XKR4: variants seen among roughly 807,000 people sequenced by gnomAD.
The protein encoded by XKR4 is XK related 4.
XKR4 carries 12 observed loss-of-function variants against 53.9 expected under a neutral mutation model. The observed-to-expected ratio is 0.22, with a 90% CI of 0.14 to 0.36. XKR4 has a LOEUF of 0.36. Among genes scored for constraint, XKR4 ranks in the 10% least tolerant of loss-of-function variants. XKR4 has a pLI of 1.00. For missense variants in XKR4, 799 were observed against 859.5 expected (o/e 0.93, Z 0.88); for synonymous variants, 354 against 362.4 (o/e 0.98, Z 0.26).
chr8:55,275,821 G>A (rs749992399), intron 1 of XKR4, among the ~76,000 whole-genome samples: 7 of 152,088 alleles, frequency 4.6e-5, no homozygotes, highest in Non-Finnish European at 1.0e-4. Flanking sequence ...TTGATCCTAA[G>A]TATAAGGCTT....
At chr8:55,458,283 C>T (rs1316567819) in intron 2 of XKR4, among the ~76,000 whole-genome samples, 1 of 152,178 alleles carries the variant, frequency 6.6e-6, no homozygotes, top group East Asian at 1.9e-4. Context: ...TTTACTCAGC[C>T]CACAGGTCTC....
At chr8:55,266,877 A>G (rs148914017) in intron 1 of XKR4, among the ~76,000 whole-genome samples, 2 of 152,312 alleles carry the variant, frequency 1.3e-5, no homozygotes, top group East Asian at 3.9e-4. Flanking sequence ...TTAGCATCGC[A>G]TGCCTGTGGG....
chr8:55,445,031 C>T (rs28759352), intron 2 of XKR4, among the ~76,000 whole-genome samples: 2,122 of 152,034 alleles, frequency 0.014, 50 homozygotes, highest in South Asian at 0.097. Context: ...GCTATATTGA[C>T]ATGTATGAAT....
rs1805452370 is a variant in XKR4 at position 55,451,810 on chromosome 8, C to T, written c.1007-71471C>T. On this transcript the variant is annotated intron_variant, in intron 2 of 2. Transcript: ENST00000327381. ...GCACTGATAGTCGCGGCAGCAAGCC[C>T]TTTCCACCAGGAGGCTGCTCATGGT... is the stretch of plus-strand genomic sequence containing the variant. The T allele has an allele frequency of 5.0e-6, 5 of 993,334 alleles. No individual in the cohort carries two copies. In the African/African-American group the frequency reaches 6.3e-5, roughly 13 times the overall value. 61.5% of individuals were successfully genotyped at this position (993,334 alleles called of 1,614,324 possible).
At chr8:55,114,082 A>G (rs1816272127) in intron 1 of XKR4, among the ~76,000 whole-genome samples, 1 of 152,140 alleles carries the variant, frequency 6.6e-6, no homozygotes, top group Non-Finnish European at 1.5e-5. Context: ...TCCTTTGGGT[A>G]TATATCCAGA....
intron 1 of XKR4, among the ~76,000 whole-genome samples, chr8:55,213,172 A>G (rs984709081): frequency 6.6e-6 from 1 of 152,202 alleles, no homozygotes; most frequent in Non-Finnish European, 1.5e-5. Context: ...CCTAACCCTC[A>G]GTTAAGATGG....
chr8:55,176,351 T>C (rs1471976431), intron 1 of XKR4, among the ~76,000 whole-genome samples: 1 of 152,224 alleles, frequency 6.6e-6, no homozygotes, highest in Non-Finnish European at 1.5e-5. Flanking sequence ...TTGCACCCTG[T>C]GCACGGTCCC....
chr8:55,478,817 T>C (rs1233687254), intron 2 of XKR4, among the ~76,000 whole-genome samples: 1 of 152,036 alleles, frequency 6.6e-6, no homozygotes, highest in Non-Finnish European at 1.5e-5. Flanking sequence ...CATTACATAA[T>C]GGTAAAGGGA....
intron 1 of XKR4, among the ~76,000 whole-genome samples, chr8:55,164,970 T>C (rs1817045871): frequency 6.6e-6 from 1 of 152,150 alleles, no homozygotes; most frequent in African/African-American, 2.4e-5. Flanking sequence ...TTGAATTCAC[T>C]CGGAGGCAAG....
intron 1 of XKR4, 48 bp downstream of exon 1, chr8:55,103,342 T>A (rs1421606710): frequency 6.5e-7 from 1 of 1,539,782 alleles, no homozygotes; most frequent in African/African-American, 1.4e-5. Flanking sequence ...TGCTACTACA[T>A]CCCCACTGCT....
At chr8:55,262,488 G>A (rs1170450889) in intron 1 of XKR4, among the ~76,000 whole-genome samples, 1 of 152,252 alleles carries the variant, frequency 6.6e-6, no homozygotes, top group African/African-American at 2.4e-5. Context: ...TTAAGGGCAG[G>A]AAGGTAGAGC....
At chr8:55,155,195 A>G (rs1816887810) in intron 1 of XKR4, among the ~76,000 whole-genome samples, 2 of 152,188 alleles carry the variant, frequency 1.3e-5, no homozygotes, top group South Asian at 4.1e-4. Context: ...CTGATCTCCA[A>G]GATCCCTGCC....
chr8:55,441,259 T>A (rs1397966432), intron 2 of XKR4, among the ~76,000 whole-genome samples: 1 of 149,878 alleles, frequency 6.7e-6, no homozygotes, highest in Admixed American at 6.6e-5. Context: ...CATAAAAAAA[T>A]AAAGTACAGC....
chr8:55,234,292 A>G (rs951456562), intron 1 of XKR4, among the ~76,000 whole-genome samples: 1 of 152,220 alleles, frequency 6.6e-6, no homozygotes, highest in Non-Finnish European at 1.5e-5. Context: ...GTAGTGCAAA[A>G]TCAGATTTTT....
chr8:55,281,081 T>G (rs1277159394), intron 1 of XKR4, among the ~76,000 whole-genome samples: 1 of 152,154 alleles, frequency 6.6e-6, no homozygotes, highest in African/African-American at 2.4e-5. Flanking sequence ...CAAATGACAA[T>G]AGACACTAAT....
At chr8:55,211,746 GT>G (rs1164251051) in intron 1 of XKR4, among the ~76,000 whole-genome samples, 5 of 152,126 alleles carry the variant, frequency 3.3e-5, no homozygotes, top group African/African-American at 9.7e-5. Context: ...TGAAAAAATA[GT>G]TTTCCACAAG....
At position 55,523,997 on chromosome 8, in the gene XKR4, G is replaced by A; in HGVS notation, c.1723G>A (p.Val575Met). 6.2e-7 allele frequency: 1 copy of A among 1,614,148 alleles called. No homozygotes were observed. Among genetic ancestry groups the A allele is most frequent in the East Asian group, 2.2e-5 (1 of 44,870 alleles). The change falls in exon 3 of 3, where the codon GTG becomes ATG. Residue 575 changes from valine to methionine, a missense_variant. By Grantham distance (21) the Val-to-Met change is conservative (BLOSUM62 1). Coordinates refer to ENST00000327381, the MANE Select transcript of XKR4 (RefSeq NM_052898.2). ...GGATGGGTGTGTACCTGTCTTTCAAGTGAGGCCCACTGCCCCATCCACCCC... is the reference window on the plus strand; with the variant it reads ...GGATGGGTGTGTACCTGTCTTTCAAATGAGGCCCACTGCCCCATCCACCCC... Reference protein sequence around the residue: ...ERDGCVPVFQVRPTAPSTPSS... With the variant: ...ERDGCVPVFQMRPTAPSTPSS...
intron 2 of XKR4, among the ~76,000 whole-genome samples, chr8:55,410,527 C>G (rs909769595): frequency 6.6e-6 from 1 of 152,236 alleles, no homozygotes; most frequent in Non-Finnish European, 1.5e-5. Context: ...CTCCACCAGC[C>G]TCTCAGACAC....
At chr8:55,275,407 G>T (rs1818750190) in intron 1 of XKR4, among the ~76,000 whole-genome samples, 1 of 152,154 alleles carries the variant, frequency 6.6e-6, no homozygotes, top group Admixed American at 6.5e-5. Flanking sequence ...ATAGGGAAAA[G>T]AATTAAATCA....
Sources: allele counts gnomAD v4.1 joint callset (sites outside exome capture counted in the v4.1 genomes callset), GRCh38; gene constraint gnomAD v4.1.1; transcripts MANE v1.5; gene names NCBI Gene and HGNC (gene_info 2026-07-23, HGNC 2026-07-21).